The following IL6ST variants were observed in gnomAD, a reference collection of about 807,000 sequenced individuals.
IL6ST encodes the protein interleukin 6 cytokine family signal transducer, also known as interleukin-6 receptor subunit beta.
In IL6ST, 24 loss-of-function variants were observed where a neutral mutation model predicts 91.3. The ratio of observed to expected loss-of-function variants is 0.26; its 90% CI spans 0.19 to 0.37. The LOEUF is 0.37. Among genes scored for constraint, IL6ST ranks in the 10% least tolerant of loss-of-function variants. The pLI is 1.00. For missense variants in IL6ST, 914 were observed against 1,078.5 expected (o/e 0.85, Z 2.14); for synonymous variants, 351 against 373.6 (o/e 0.94, Z 0.70).
At chr5:55,976,192 A>T (rs1264094315) in intron 3 of IL6ST, 23 bp downstream of exon 3, 3 of 1,340,764 alleles carry the variant, frequency 2.2e-6, no homozygotes, top group South Asian at 3.0e-5. Context: ...AAGTTAGAAG[A>T]TAGGGTATTT....
At position 55,937,288 on chromosome 5, in the gene IL6ST, C is replaced by T. The variant is rs1179996883; in HGVS notation, c.*3794G>A. 1 of 213,434 alleles carries T rather than the reference C, an allele frequency of 4.7e-6. No homozygotes were observed. The highest frequency in any genetic ancestry group is 2.3e-5 in the African/African-American group (1 of 44,166). The allele number at this position is 213,434 out of a possible 1,614,324, so 13.2% of individuals were successfully genotyped here. On this transcript the variant is annotated 3_prime_UTR_variant, in exon 17 of 17. Coordinates refer to ENST00000381298, the MANE Select transcript of IL6ST (RefSeq NM_002184.4). ...GTACAAACTATTGACTGAGAAAAAG[C>T]CCTTAAAAATTTAGGAACAAATGAG...
intron 7 of IL6ST, among the ~76,000 whole-genome samples, chr5:55,962,507 T>G (rs1752380046): frequency 6.6e-6 from 1 of 152,100 alleles, no homozygotes; most frequent in Non-Finnish European, 1.5e-5. Flanking sequence ...ATCAATCCCT[T>G]CCTCTACCTC....
chr5:55,960,894 G>GT (rs1220617891), intron 7 of IL6ST, among the ~76,000 whole-genome samples: 2 of 152,058 alleles, frequency 1.3e-5, no homozygotes, highest in African/African-American at 2.4e-5. Context: ...GCCTCCCAAA[G>GT]TGCCAGGATT....
chr5:55,975,902 AG>A (rs938745818), intron 3 of IL6ST, among the ~76,000 whole-genome samples: 5 of 151,044 alleles, frequency 3.3e-5, no homozygotes, highest in Admixed American at 1.3e-4. Flanking sequence ...CATTTACTGA[AG>A]AAAAAAAAAA....
chr5:55,974,674 C>T (rs949302091), intron 3 of IL6ST, among the ~76,000 whole-genome samples: 9 of 151,966 alleles, frequency 5.9e-5, no homozygotes, highest in African/African-American at 1.5e-4. Context: ...TTAGTAGATA[C>T]GGGGTTTTAC....
intron 5 of IL6ST, among the ~76,000 whole-genome samples, chr5:55,966,406 G>C (rs1171526604): frequency 3.3e-5 from 5 of 152,170 alleles, no homozygotes. Context: ...AGGTGTGTTA[G>C]TCATGTTCTA....
At position 55,940,412 on chromosome 5, in the gene IL6ST, T is replaced by G. The variant is rs1224942440; in HGVS notation, c.*670A>C. 4.8e-6 allele frequency: 1 copy of G among 209,090 alleles called. No homozygotes were observed. The highest frequency in any genetic ancestry group is 9.7e-6 in the Non-Finnish European group (1 of 102,686). 13.0% of individuals were successfully genotyped at this position (209,090 alleles called of 1,614,324 possible). A position where few individuals can be genotyped will look rare whatever the true frequency, so the allele number is the denominator to read the frequency against. ...TTTGAAAACTAGTGAGATTACTAAT[T>G]ATTGATGAATAAAAAATGAGTACTT... is the stretch of plus-strand genomic sequence containing the variant. On this transcript the variant is annotated 3_prime_UTR_variant, in exon 17 of 17. Transcript: ENST00000381298.
intron 8 of IL6ST, among the ~76,000 whole-genome samples, chr5:55,957,943 T>C (rs1403159325): frequency 1.3e-5 from 2 of 152,224 alleles, no homozygotes; most frequent in East Asian, 3.8e-4. Flanking sequence ...ACACATTGCT[T>C]ACTCCTAAAT....
intron 7 of IL6ST, among the ~76,000 whole-genome samples, 160 bp from the exon 8 acceptor site, chr5:55,960,721 C>T (rs573663779): frequency 6.6e-6 from 1 of 152,222 alleles, no homozygotes; most frequent in Admixed American, 6.5e-5. Flanking sequence ...TCTACCTCTC[C>T]CAGGTTCAAG....
Position 55,938,452 on chromosome 5 carries a change from A to G in IL6ST, c.*2630T>C, listed in dbSNP as rs141757390. ...GATACCACAGACATCAGTAACTGAC[A>G]AGTTATAATATCAACACATGTAACA... On this transcript the variant is annotated 3_prime_UTR_variant, in exon 17 of 17. Transcript: ENST00000381298. 5.1e-6 allele frequency: 1 copy of G among 194,270 alleles called. No homozygotes were observed. The highest frequency in any genetic ancestry group is 1.1e-5 in the Non-Finnish European group (1 of 93,212). 12.0% of individuals were successfully genotyped at this position (194,270 alleles called of 1,614,324 possible).
intron 1 of IL6ST, among the ~76,000 whole-genome samples, chr5:55,992,353 A>T (rs138880387): frequency 2.0e-5 from 3 of 152,320 alleles, no homozygotes; most frequent in Admixed American, 2.0e-4. Flanking sequence ...AGGATGTATC[A>T]TGGTTAAGAG....
At chr5:55,987,117 GT>G (rs998542099) in intron 1 of IL6ST, among the ~76,000 whole-genome samples, 1 of 152,152 alleles carries the variant, frequency 6.6e-6, no homozygotes, top group African/African-American at 2.4e-5. Context: ...GTGAGTTGTG[GT>G]TGCACTACTG....
At chr5:55,951,310 C>T (rs1461803445) in intron 14 of IL6ST, among the ~76,000 whole-genome samples, 154 bp downstream of exon 14, 1 of 152,164 alleles carries the variant, frequency 6.6e-6, no homozygotes, top group African/African-American at 2.4e-5. Flanking sequence ...AGGAATAACA[C>T]TTTCTATAAA....
At chr5:55,975,227 G>A (rs1339338176) in intron 3 of IL6ST, among the ~76,000 whole-genome samples, 2 of 152,056 alleles carry the variant, frequency 1.3e-5, no homozygotes, top group African/African-American at 4.8e-5. Context: ...TAAATCATAG[G>A]GGTGGATTTC....
In IL6ST at chr5:55,956,212, A is replaced by G. The variant is rs1193804701; in HGVS notation, c.1080T>C (p.Asn360=). Residue 360 remains asparagine (N), a synonymous_variant, in exon 10 of 17, where the codon AAT becomes AAC. Transcript: ENST00000381298. The part of the protein sequence containing the change: ...VWKTLPPFEA[N]GKILDYEVTL... ...TCACTTCATAATCCAAGATTTTTCC[A>G]TTGGCTTCAAAAGGAGGCAATGTCT... The G allele has an allele frequency of 6.2e-7, 1 of 1,605,312 alleles. No individual in the cohort carries two copies. Among genetic ancestry groups the G allele is most frequent in the East Asian group, 2.2e-5 (1 of 44,830 alleles).
chr5:55,980,770 T>C (rs537784529), intron 2 of IL6ST, among the ~76,000 whole-genome samples: 15 of 152,192 alleles, frequency 9.9e-5, no homozygotes, highest in Non-Finnish European at 2.1e-4. Flanking sequence ...TTAACTCTTC[T>C]TGATGAGAAA....
rs947970392 is a variant in IL6ST, at chr5:55,939,487, T to A, written c.*1595A>T. The A allele has an allele frequency of 1.5e-5, 3 of 205,166 alleles. No individual in the cohort carries two copies. In the Admixed American group the frequency reaches 1.8e-4, roughly 12 times the overall value. The allele number at this position is 205,166 out of a possible 1,614,324, so 12.7% of individuals were successfully genotyped here. On this transcript the variant is annotated 3_prime_UTR_variant, in exon 17 of 17. Coordinates refer to ENST00000381298, the MANE Select transcript of IL6ST (RefSeq NM_002184.4). ...TGAGAGTAAAAAGTGTAATTATATT[T>A]CCATTGTAAATGTATACCAAGTTTT...
intron 7 of IL6ST, among the ~76,000 whole-genome samples, chr5:55,962,350 T>C (rs1580821131): frequency 6.6e-6 from 1 of 152,298 alleles, no homozygotes; most frequent in Middle Eastern, 3.4e-3. Flanking sequence ...AGCAAAGACA[T>C]ACTGTTTGTG....
At chr5:55,955,661 T>C (rs1320823682) in intron 10 of IL6ST, among the ~76,000 whole-genome samples, 2 of 148,224 alleles carry the variant, frequency 1.3e-5, no homozygotes, top group African/African-American at 5.3e-5. Flanking sequence ...GAAGTTTAAG[T>C]GAGCATGTAG....
Sources: allele counts gnomAD v4.1 joint callset (sites outside exome capture counted in the v4.1 genomes callset), GRCh38; gene constraint gnomAD v4.1.1; transcripts MANE v1.5; gene names NCBI Gene and HGNC (gene_info 2026-07-23, HGNC 2026-07-21).